Variants in CSMD3 observed in about 807,000 individuals in gnomAD.
CSMD3 encodes CUB and Sushi multiple domains 3.
A neutral mutation model predicts 435.2 loss-of-function variants in CSMD3; 177 were observed. The ratio of observed to expected loss-of-function variants is 0.41; its 90% confidence interval spans 0.36 to 0.46. CSMD3 has a LOEUF of 0.46. Among genes scored for constraint, CSMD3 ranks in the 20% least tolerant of loss-of-function variants. The pLI is 0.34. For missense variants in CSMD3, 4,265 were observed against 4,504.6 expected, an observed-to-expected ratio of 0.95 and a Z score of 1.52; for synonymous variants, 1,656 against 1,520.5, an observed-to-expected ratio of 1.09 and a Z score of -2.07.
intron 13 of CSMD3, among the ~76,000 whole-genome samples, chr8:112,760,984 G>C (rs958787652): frequency 6.6e-6 from 1 of 152,096 alleles, no homozygotes. Flanking sequence ...CGTGCCCTCC[G>C]AACATGGTCT....
At position 112,311,085 on chromosome 8, in the gene CSMD3, C is replaced by T. The variant is rs781651774; in HGVS notation, c.7778G>A (p.Arg2593His). 27 of 1,613,836 alleles carry T rather than the reference C, an allele frequency of 1.7e-5. No homozygotes were observed. The highest frequency in any genetic ancestry group is 6.7e-5 in the East Asian group (3 of 44,872). ...TCGGAATCCTCGATCACAGGCCCAA[C>T]GGACCACACTGTTAAGCTGCCCACC... ...QTGGQLNSVV[R>H]WACDRGFRLV... The change falls in exon 50 of 71, where the codon CGT becomes CAT. Residue 2593 changes from arginine to histidine, a missense_variant. Physicochemically the swap from Arg to His is conservative, Grantham distance 29 (BLOSUM62 0). This residue lies in a region of CSMD3 where 3,255 missense variants were observed against 3,380.2 expected (regional missense o/e 0.96). Transcript: ENST00000297405.
chr8:113,167,064 T>C (rs2092165165), intron 4 of CSMD3, among the ~76,000 whole-genome samples: 1 of 152,120 alleles, frequency 6.6e-6, no homozygotes, highest in South Asian at 2.1e-4. Context: ...AGTGGCAGAA[T>C]ATGAAGCAAA....
At chr8:112,414,278 A>T (rs1811672967) in intron 32 of CSMD3, among the ~76,000 whole-genome samples, 1 of 152,094 alleles carries the variant, frequency 6.6e-6, no homozygotes, top group Non-Finnish European at 1.5e-5. Flanking sequence ...TGTCCCCCTG[A>T]GAGGTAATTG....
At chr8:113,406,305 T>C (rs1478321658) in intron 1 of CSMD3, among the ~76,000 whole-genome samples, 2 of 151,826 alleles carry the variant, frequency 1.3e-5, no homozygotes, top group Non-Finnish European at 2.9e-5. Flanking sequence ...CTGTGATAGA[T>C]TTGGGGGAAC....
At chr8:112,987,975 A>G (rs1472965751) in intron 6 of CSMD3, among the ~76,000 whole-genome samples, 1 of 152,036 alleles carries the variant, frequency 6.6e-6, no homozygotes, top group East Asian at 1.9e-4. Context: ...AAGATGATGT[A>G]CACATCATCT....
intron 2 of CSMD3, among the ~76,000 whole-genome samples, chr8:113,305,046 C>T (rs1034685964): frequency 2.5e-4 from 38 of 149,756 alleles, no homozygotes; most frequent in Admixed American, 6.7e-4. Context: ...TAAACTATCG[C>T]AAGAACAAAA....
chr8:113,402,739 C>T (rs1349210297), intron 1 of CSMD3, among the ~76,000 whole-genome samples: 18 of 150,976 alleles, frequency 1.2e-4, no homozygotes, highest in Non-Finnish European at 7.4e-5. Context: ...TGCACACATG[C>T]ATTATTAATA....
At position 113,436,867 on chromosome 8, in the gene CSMD3, C is replaced by T. The variant is rs1360046945; in HGVS notation, c.-13G>A. ...GGATCCCTTTCATATTATTCGCGAGCTCCTAATTCCTGCTCCTCAGCCCGG... is the reference window on the plus strand; with the variant it reads ...GGATCCCTTTCATATTATTCGCGAGTTCCTAATTCCTGCTCCTCAGCCCGG... On this transcript the variant is annotated 5_prime_UTR_variant, in exon 1 of 71. Coordinates refer to ENST00000297405, the MANE Select transcript of CSMD3 (RefSeq NM_198123.2). The T allele has an allele frequency of 6.2e-7, 1 of 1,613,578 alleles. No individual in the cohort carries two copies. Among genetic ancestry groups the T allele is most frequent in the South Asian group, 1.1e-5 (1 of 91,050 alleles).
intron 9 of CSMD3, among the ~76,000 whole-genome samples, chr8:112,930,425 AAGAAC>A (rs2083068729): frequency 6.6e-6 from 1 of 152,108 alleles, no homozygotes. Flanking sequence ...CTCTATATTT[AAGAAC>A]AGCTGTCAGA....
At chr8:112,841,270 C>A (rs2080172037) in intron 11 of CSMD3, among the ~76,000 whole-genome samples, 1 of 151,596 alleles carries the variant, frequency 6.6e-6, no homozygotes, top group Non-Finnish European at 1.5e-5. Context: ...CCTCTTTACC[C>A]ACTATGCCAA....
intron 31 of CSMD3, among the ~76,000 whole-genome samples, chr8:112,487,168 C>T (rs183578754): frequency 2.0e-5 from 3 of 152,252 alleles, no homozygotes; most frequent in African/African-American, 7.2e-5. Context: ...GTACTTTGGG[C>T]TTTACATACA....
chr8:113,098,344 C>T lies in CSMD3; in HGVS notation c.917+412G>A, dbSNP rs147461063. On this transcript the variant is annotated intron_variant, in intron 5 of 70. Transcript: ENST00000297405. ...ACTTTGCAGGTTTCATTAGACCATACCTTGAGTTTCTAAAGAAACAAACCA... is the reference window on the plus strand; with the variant it reads ...ACTTTGCAGGTTTCATTAGACCATATCTTGAGTTTCTAAAGAAACAAACCA... Among the ~76,000 whole-genome samples, 336 of 152,060 alleles carry T rather than the reference C, an allele frequency of 2.2e-3. 1 individual carries two copies. Among genetic ancestry groups the T allele is most frequent in the African/African-American group, 7.7e-3 (321 of 41,524 alleles).
At chr8:112,361,014 A>G (rs1371660677) in intron 38 of CSMD3, among the ~76,000 whole-genome samples, 1 of 152,070 alleles carries the variant, frequency 6.6e-6, no homozygotes, top group East Asian at 1.9e-4. Flanking sequence ...TATCTTTGGG[A>G]ATTATTTTTC....
intron 3 of CSMD3, among the ~76,000 whole-genome samples, chr8:113,202,897 C>T (rs573374615): frequency 3.3e-5 from 5 of 152,068 alleles, no homozygotes; most frequent in Non-Finnish European, 5.9e-5. Context: ...ACATTTTTCA[C>T]CTGAGCAATT....
intron 32 of CSMD3, among the ~76,000 whole-genome samples, chr8:112,457,073 C>A (rs1468363854): frequency 6.6e-6 from 1 of 152,014 alleles, no homozygotes; most frequent in Non-Finnish European, 1.5e-5. Context: ...TCCCTCTACC[C>A]ACAGAACCTT....
chr8:112,866,485 T>G (rs1387068026), intron 10 of CSMD3, among the ~76,000 whole-genome samples: 1 of 152,162 alleles, frequency 6.6e-6, no homozygotes, highest in Non-Finnish European at 1.5e-5. Context: ...ATGTTATTAT[T>G]ATTATTTAAA....
rs1020978004 is a variant in CSMD3, at chr8:113,435,299, G to A, written c.178+1378C>T. Among the ~76,000 whole-genome samples the A allele has an allele frequency of 2.0e-5, 3 of 152,114 alleles. No individual in the cohort carries two copies. In the South Asian group the frequency reaches 6.2e-4, roughly 32 times the overall value. On this transcript the variant is annotated intron_variant, in intron 1 of 70. Coordinates refer to ENST00000297405, the MANE Select transcript of CSMD3 (RefSeq NM_198123.2). ...CAAGGCAGTTGCTGCCACAGAGACCGGGGCGACTGACTTCCTGGCATTTTG... is the reference window on the plus strand; with the variant it reads ...CAAGGCAGTTGCTGCCACAGAGACCAGGGCGACTGACTTCCTGGCATTTTG...
intron 17 of CSMD3, among the ~76,000 whole-genome samples, chr8:112,662,210 T>A (rs1398525270): frequency 6.6e-6 from 1 of 151,962 alleles, no homozygotes; most frequent in African/African-American, 2.4e-5. Context: ...AGCCCACATT[T>A]CCAAGTCAAT....
At chr8:113,269,303 TAAA>T (rs2093498922) in intron 3 of CSMD3, among the ~76,000 whole-genome samples, 1 of 151,886 alleles carries the variant, frequency 6.6e-6, no homozygotes, top group Non-Finnish European at 1.5e-5. Context: ...CTCAATGAAA[TAAA>T]AGAGGATACA....
Sources: gnomAD v4.1 joint callset for allele counts (sites outside exome capture counted in the v4.1 genomes callset) on GRCh38, gnomAD v4.1.1 for gene constraint, gnomAD v4.1.1 regional missense constraint, MANE v1.5 for transcripts, NCBI Gene and HGNC (gene_info 2026-07-23, HGNC 2026-07-21) for gene names.